APP: variants seen among roughly 807,000 people sequenced by gnomAD.
APP encodes amyloid beta precursor protein.
A neutral mutation model predicts 101.4 loss-of-function variants in APP; 31 were observed. That is an observed-to-expected ratio of 0.31 (90% CI 0.23 to 0.41). APP has a LOEUF of 0.41. Ranked by LOEUF, APP falls within the 10% of genes least tolerant of loss-of-function variation. The probability of loss-of-function intolerance (pLI) is 1.00; values close to 1 mark genes in which losing one functional copy is unlikely to be tolerated. For missense variants in APP, 839 were observed against 1,003.7 expected (o/e 0.84, Z 2.22); for synonymous variants, 366 against 364.4 (o/e 1.00, Z -0.05).
intron 16 of APP, among the ~76,000 whole-genome samples, chr21:25,893,461 C>T (rs1445824829): frequency 6.6e-6 from 1 of 152,208 alleles, no homozygotes; most frequent in Non-Finnish European, 1.5e-5. Context: ...AAGAAAAGCT[C>T]TTGAAGGAGA....
Position 25,975,986 on chromosome 21 carries a change from A to G in APP, c.1267T>C (p.Leu423=). The G allele has an allele frequency of 6.2e-7, 1 of 1,614,014 alleles. No homozygotes were observed. The change falls in exon 10 of 18, where the codon TTG becomes CTG. Residue 423 remains leucine, a synonymous_variant. Transcript: ENST00000346798. ...ACTGCCTTCTTATCAGCTTTAGGCA[A>G]GTTCTTTGCTTGACGTTCTGCCTCT... ...WEEAERQAKN[L]PKADKKAVIQ...
At position 25,897,291 on chromosome 21, in the gene APP, T is replaced by TTTGTA. The variant is rs910583230; in HGVS notation, c.2064+281_2064+282insTACAA. Among the ~76,000 whole-genome samples, 12 of 152,246 alleles carry TTTGTA rather than the reference T, an allele frequency of 7.9e-5. 1 individual carries two copies. The highest frequency in any genetic ancestry group is 2.9e-4 in the African/African-American group (12 of 41,532). On this transcript the variant is annotated intron_variant, in intron 16 of 17. Transcript: ENST00000346798. ...CCACACCCAGCTAATCTTTTTTGTA[T>TTTGTA]TTTTAGTAGAGATGGGGTTTCACCA...
chr21:26,112,626 G>A (rs762598095), intron 1 of APP, among the ~76,000 whole-genome samples: 1 of 152,226 alleles, frequency 6.6e-6, no homozygotes, highest in African/African-American at 2.4e-5. Flanking sequence ...CAAGTATGGC[G>A]TTGGTAGTTA....
At chr21:26,041,325 C>A (rs1426217391) in intron 5 of APP, among the ~76,000 whole-genome samples, 1 of 152,254 alleles carries the variant, frequency 6.6e-6, no homozygotes, top group East Asian at 1.9e-4. Flanking sequence ...ACTGAAGATA[C>A]AAATATCCAG....
intron 13 of APP, among the ~76,000 whole-genome samples, chr21:25,930,516 C>T (rs1425071141): frequency 6.6e-6 from 1 of 152,038 alleles, no homozygotes; most frequent in Non-Finnish European, 1.5e-5. Context: ...TAGTGAATTT[C>T]ATTCAAAGAG....
intron 11 of APP, among the ~76,000 whole-genome samples, chr21:25,962,537 A>G (rs762584953): frequency 3.3e-5 from 5 of 152,214 alleles, no homozygotes; most frequent in Non-Finnish European, 7.3e-5. Context: ...CTCTCTACTC[A>G]GAATAGTGGC....
At chr21:26,137,345 C>T (rs765694558) in intron 1 of APP, among the ~76,000 whole-genome samples, 12 of 152,180 alleles carry the variant, frequency 7.9e-5, no homozygotes, top group Non-Finnish European at 1.5e-4. Context: ...TTTCTATAAA[C>T]GGGGGTTCTA....
chr21:26,157,442 C>T (rs2063399311), intron 1 of APP, among the ~76,000 whole-genome samples: 1 of 152,146 alleles, frequency 6.6e-6, no homozygotes, highest in South Asian at 2.1e-4. Context: ...GAAAGTAAAA[C>T]CAAGAGCAGC....
chr21:25,906,202 A>C (rs925437737), intron 14 of APP, among the ~76,000 whole-genome samples: 29 of 152,392 alleles, frequency 1.9e-4, no homozygotes, highest in African/African-American at 6.7e-4. Flanking sequence ...AAGTGGCAGT[A>C]AGCCAAGTCT....
chr21:25,987,106 T>C (rs2042668725), intron 8 of APP, among the ~76,000 whole-genome samples: 2 of 152,258 alleles, frequency 1.3e-5, no homozygotes, highest in African/African-American at 2.4e-5. Flanking sequence ...AAAACAACCA[T>C]ATGCTTTGTT....
intron 13 of APP, among the ~76,000 whole-genome samples, chr21:25,915,000 C>G (rs985023501): frequency 6.6e-6 from 1 of 152,202 alleles, no homozygotes; most frequent in African/African-American, 2.4e-5. Context: ...TTCCTGAAAT[C>G]TTAGTTCCTG....
chr21:25,969,284 C>T (rs1301199873), intron 11 of APP, among the ~76,000 whole-genome samples: 2 of 138,370 alleles, frequency 1.4e-5, no homozygotes, highest in African/African-American at 5.4e-5. Flanking sequence ...GAAGGCGGAG[C>T]TTGCAGTGAG....
chr21:25,955,645 G>A lies in APP; in HGVS notation c.1569C>T (p.Ala523=), dbSNP rs769612624. 2.4e-5 allele frequency: 39 copies of A among 1,614,112 alleles called. 1 individual carries two copies. The highest frequency in any genetic ancestry group is 2.4e-4 in the South Asian group (22 of 91,086). ...EHVRMVDPKK[A]AQIRSQVMTH... is the part of the protein sequence containing the mutation. ...CGCTTACCTGGGACCGGATCTGAGCGGCTTTCTTGGGATCCACCATGCGCA... is the reference window on the plus strand; with the variant it reads ...CGCTTACCTGGGACCGGATCTGAGCAGCTTTCTTGGGATCCACCATGCGCA... Residue 523 remains alanine, a synonymous_variant, in exon 12 of 18, where the codon GCC becomes GCT. Coordinates refer to ENST00000346798, the MANE Select transcript of APP (RefSeq NM_000484.4).
chr21:25,918,851 G>C (rs371571928), intron 13 of APP, among the ~76,000 whole-genome samples: 5 of 149,146 alleles, frequency 3.4e-5, no homozygotes, highest in Non-Finnish European at 4.4e-5. Flanking sequence ...CAAAGCAGCC[G>C]GGAAGCTCGA....
chr21:26,155,024 G>A (rs931941513), intron 1 of APP, among the ~76,000 whole-genome samples: 4 of 152,190 alleles, frequency 2.6e-5, no homozygotes, highest in African/African-American at 9.6e-5. Context: ...GGCCAAAGCG[G>A]CAAGTCACTT....
intron 17 of APP, among the ~76,000 whole-genome samples, chr21:25,889,323 A>T (rs1621506): frequency 3.9e-5 from 6 of 152,136 alleles, no homozygotes; most frequent in Non-Finnish European, 8.8e-5. Context: ...GCAGACAGGC[A>T]TCTGCAAACC....
intron 16 of APP, among the ~76,000 whole-genome samples, chr21:25,895,640 A>G (rs2037992759): frequency 6.6e-6 from 1 of 152,202 alleles, no homozygotes; most frequent in South Asian, 2.1e-4. Flanking sequence ...AAACTAACAT[A>G]CTAGCAATCT....
intron 13 of APP, chr21:25,933,966 T>TA (rs1164862854): frequency 6.6e-6 from 1 of 152,218 alleles, no homozygotes; most frequent in African/African-American, 2.4e-5. Context: ...GTTGAAGTCC[T>TA]AATGCCTACA....
At chr21:26,053,566 A>C in intron 3 of APP, 1 of 456,652 alleles carries the variant, frequency 2.2e-6, no homozygotes, top group Non-Finnish European at 4.0e-6. Context: ...AATAATGCCT[A>C]AATGCTGCAA....
Sources: gnomAD v4.1 joint callset for allele counts (sites outside exome capture counted in the v4.1 genomes callset) on GRCh38, gnomAD v4.1.1 for gene constraint, MANE v1.5 for transcripts, NCBI Gene and HGNC (gene_info 2026-07-23, HGNC 2026-07-21) for gene names.